FBXL13: variants seen among roughly 807,000 people sequenced by gnomAD.
FBXL13 encodes F-box and leucine-rich repeat protein 13.
Under a neutral mutation model 83.6 loss-of-function variants are expected in FBXL13, and 67 were observed. The observed-to-expected ratio is 0.80, with a 90% CI of 0.66 to 0.98. The LOEUF is 0.98. FBXL13 is among the 50% of genes least tolerant of loss of function. FBXL13 has a pLI of 0.00. For synonymous variants in FBXL13, 272 were observed against 299.5 expected (o/e 0.91, Z 0.95); for missense variants, 822 against 866.5 (o/e 0.95, Z 0.64).
Position 102,878,464 on chromosome 7 carries a change from A to T in FBXL13, c.1389-14T>A, listed in dbSNP as rs200939191. ...ATATCACCAATTCTGTAGGAAAGAG[A>T]GAAAAATTTTACATGTGATTCTATA... On this transcript the variant is annotated splice_polypyrimidine_tract_variant and intron_variant, in intron 14 of 19. Coordinates refer to ENST00000313221, the Ensembl canonical transcript of FBXL13. The T allele has an allele frequency of 6.1e-6, 8 of 1,312,114 alleles. No individual in the cohort carries two copies. The highest frequency in any genetic ancestry group is 2.1e-5 in the Admixed American group (1 of 47,536). 81.3% of individuals were successfully genotyped at this position (1,312,114 alleles called of 1,614,324 possible).
At chr7:102,944,653 G>C (rs761514085) in intron 8 of FBXL13, 5 of 1,480,344 alleles carry the variant, frequency 3.4e-6, no homozygotes, top group Non-Finnish European at 4.5e-6. Flanking sequence ...TTTCTATACT[G>C]GTGTTAGAAA....
At chr7:103,008,396 T>C (rs919687675) in intron 6 of FBXL13, among the ~76,000 whole-genome samples, 14 of 152,156 alleles carry the variant, frequency 9.2e-5, no homozygotes, top group African/African-American at 3.1e-4. Context: ...TGTAAAAGCA[T>C]GCCCTGTTTA....
At chr7:103,003,354 C>T (rs957819891) in intron 6 of FBXL13, among the ~76,000 whole-genome samples, 21 of 122,194 alleles carry the variant, frequency 1.7e-4, no homozygotes, top group African/African-American at 6.6e-4. Flanking sequence ...GTGGTGTGAT[C>T]TCGGCTCACT....
chr7:102,842,397 C>G (rs76836603), intron 17 of FBXL13, among the ~76,000 whole-genome samples: 68 of 152,318 alleles, frequency 4.5e-4, no homozygotes, highest in African/African-American at 1.6e-3. Flanking sequence ...GCCAACACAT[C>G]TAATCCATCT....
intron 1 of FBXL13, among the ~76,000 whole-genome samples, chr7:103,066,527 G>A (rs1054916005): frequency 9.2e-5 from 14 of 151,942 alleles, no homozygotes; most frequent in Non-Finnish European, 1.8e-4. Flanking sequence ...GAGCAGCTGG[G>A]ACTACAGGCG....
At chr7:102,958,036 G>A (rs944428211) in intron 8 of FBXL13, among the ~76,000 whole-genome samples, 6 of 152,102 alleles carry the variant, frequency 3.9e-5, no homozygotes, top group African/African-American at 1.4e-4. Context: ...CCATTACTGG[G>A]TATATACCCA....
rs193038325 is a variant in FBXL13 at position 102,869,491 on chromosome 7, G to A, written c.1635+7976C>T. Reference sequence around the variant, plus strand: ...TTTTTAGGTTGATGTAATACCATTCGTGCATTTTTTTTCTTTTGTTGCCTG... The same window carrying A: ...TTTTTAGGTTGATGTAATACCATTCATGCATTTTTTTTCTTTTGTTGCCTG... On this transcript the variant is annotated intron_variant, in intron 16 of 19. Transcript: ENST00000313221. 8.9e-5 allele frequency among the ~76,000 whole-genome samples: 13 copies of A among 145,666 alleles called. No homozygotes were observed. In the South Asian group the frequency reaches 9.5e-4, roughly 11 times the overall value.
exon 1 of FBXL13, chr7:103,074,474 C>T (rs1799434897): frequency 1.8e-6 from 2 of 1,138,478 alleles, no homozygotes; most frequent in Non-Finnish European, 2.2e-6. Context: ...CCATTCCCCA[C>T]GTGCAGCCAC....
rs142992808 is a variant in FBXL13 at position 102,873,544 on chromosome 7, G to C, written c.1635+3923C>G. Among the ~76,000 whole-genome samples, 16 of 152,254 alleles carry C rather than the reference G, an allele frequency of 1.1e-4. No homozygotes were observed. In the East Asian group the frequency reaches 1.7e-3, roughly 17 times the overall value. ...CACCTGGATGACTACTTGATAATTG[G>C]TCACTATGCATCTGTGATTCCCATA... On this transcript the variant is annotated intron_variant, in intron 16 of 19. Coordinates refer to ENST00000313221, the Ensembl canonical transcript of FBXL13.
intron 1 of FBXL13, among the ~76,000 whole-genome samples, chr7:103,059,345 G>A (rs73410129): frequency 0.036 from 5,406 of 152,228 alleles, 296 homozygotes; most frequent in African/African-American, 0.12. Flanking sequence ...AGCACAGCAT[G>A]ATATTTTTTG....
chr7:103,055,223 T>C (rs1430814127), intron 2 of FBXL13, 45 bp from the exon 3 acceptor site: 1 of 1,039,230 alleles, frequency 9.6e-7, no homozygotes, highest in South Asian at 1.4e-5. Flanking sequence ...TTTCATTAAT[T>C]AGTTAGTTCC....
intron 8 of FBXL13, among the ~76,000 whole-genome samples, chr7:102,936,917 T>C (rs1170629893): frequency 6.6e-6 from 1 of 152,060 alleles, no homozygotes; most frequent in Non-Finnish European, 1.5e-5. Context: ...GCTTTTGTGT[T>C]TTTTTCCTTT....
At chr7:102,976,775 C>A (rs563636971) in intron 6 of FBXL13, among the ~76,000 whole-genome samples, 1 of 152,270 alleles carries the variant, frequency 6.6e-6, no homozygotes, top group African/African-American at 2.4e-5. Context: ...CCTACTCCGC[C>A]CAACATACTC....
intron 8 of FBXL13, among the ~76,000 whole-genome samples, chr7:102,941,631 A>G (rs768381937): frequency 1.1e-4 from 17 of 152,258 alleles, no homozygotes; most frequent in Non-Finnish European, 2.2e-4. Context: ...GAATCTCAGG[A>G]CAAGCAAAAG....
At chr7:102,837,788 C>G (rs1010831632) in intron 17 of FBXL13, among the ~76,000 whole-genome samples, 9 of 152,354 alleles carry the variant, frequency 5.9e-5, no homozygotes, top group Middle Eastern at 3.4e-3. Context: ...AGTGATCCTT[C>G]CTCCTTGGCT....
chr7:102,944,109 G>T, intron 8 of FBXL13: 1 of 908,584 alleles, frequency 1.1e-6, no homozygotes. Context: ...TTTCAAAGGG[G>T]AAAATTAAGC....
intron 6 of FBXL13, among the ~76,000 whole-genome samples, chr7:102,993,395 C>G (rs910092927): frequency 6.6e-6 from 1 of 152,072 alleles, no homozygotes. Context: ...ATTTTATAAC[C>G]GTTTGCAAGT....
intron 8 of FBXL13, among the ~76,000 whole-genome samples, chr7:102,941,643 C>T (rs1476216073): frequency 3.3e-5 from 5 of 151,950 alleles, no homozygotes; most frequent in Non-Finnish European, 7.4e-5. Flanking sequence ...AAGCAAAAGC[C>T]ATTCCAAAGG....
chr7:102,990,171 A>G (rs1168063333), intron 6 of FBXL13, among the ~76,000 whole-genome samples: 2 of 152,242 alleles, frequency 1.3e-5, no homozygotes, highest in African/African-American at 2.4e-5. Context: ...TGTGACTGCC[A>G]TGACCTAGTA....
Sources: allele counts gnomAD v4.1 joint callset (sites outside exome capture counted in the v4.1 genomes callset), GRCh38; gene constraint gnomAD v4.1.1; transcripts MANE v1.5; gene names NCBI Gene and HGNC (gene_info 2026-07-23, HGNC 2026-07-21).